The following AUH variants were observed in gnomAD, a reference collection of about 807,000 sequenced individuals.
The protein encoded by AUH is AU RNA binding methylglutaconyl-CoA hydratase.
Under a neutral mutation model 42.3 loss-of-function variants are expected in AUH, and 29 were observed. That is an observed-to-expected ratio of 0.69 (90% CI 0.51 to 0.93). AUH has a LOEUF of 0.93. Ranked by LOEUF, AUH falls within the 40% of genes least tolerant of loss-of-function variation. AUH has a pLI of 0.00. For missense variants in AUH, 452 were observed against 438.1 expected (o/e 1.03, Z -0.28); for synonymous variants, 174 against 166.4 (o/e 1.05, Z -0.35).
intron 4 of AUH, among the ~76,000 whole-genome samples, chr9:91,316,353 A>C (rs1263255836): frequency 2.0e-5 from 3 of 152,226 alleles, no homozygotes; most frequent in Non-Finnish European, 4.4e-5. Context: ...TACAGGTCCA[A>C]TAAAAACAGT....
At chr9:91,307,096 C>T (rs1391230574) in intron 4 of AUH, among the ~76,000 whole-genome samples, 2 of 151,864 alleles carry the variant, frequency 1.3e-5, no homozygotes, top group African/African-American at 4.8e-5. Context: ...CAGGGAGGGG[C>T]AAAAGAAAGA....
At chr9:91,298,156 G>A in intron 4 of AUH, 80 bp from the exon 5 acceptor site, 2 of 1,135,840 alleles carry the variant, frequency 1.8e-6, no homozygotes, top group East Asian at 5.0e-5. Context: ...TTTTTTCTGT[G>A]AATTTATGCT....
intron 3 of AUH, among the ~76,000 whole-genome samples, chr9:91,334,538 C>T (rs1830563849): frequency 1.0e-5 from 1 of 95,730 alleles, no homozygotes; most frequent in Non-Finnish European, 2.2e-5. Flanking sequence ...CTGAATTACA[C>T]CACCAGCTTT....
At chr9:91,348,369 G>A (rs1253364953) in intron 3 of AUH, among the ~76,000 whole-genome samples, 3 of 152,096 alleles carry the variant, frequency 2.0e-5, no homozygotes, top group African/African-American at 7.2e-5. Context: ...TAAACACACA[G>A]GATAAAACCA....
At position 91,296,077 on chromosome 9, in the gene AUH, G is replaced by A. The variant is rs765362912; in HGVS notation, c.599C>T (p.Ala200Val). ...AACCAGGCCCATTTTTGCAGAGGAA[G>A]CTAAAACGAAAGAAAGAAAATTAAG... ...LALACDIRVA[A>V]SSAKMGLVET... Residue 200 changes from alanine to valine, a missense_variant and splice_region_variant, in exon 6 of 10, where the codon GCT becomes GTT. Transcript: ENST00000375731. 6.2e-7 allele frequency: 1 copy of A among 1,613,828 alleles called. No individual in the cohort carries two copies.
intron 6 of AUH, among the ~76,000 whole-genome samples, chr9:91,288,164 G>T (rs1826566506): frequency 6.6e-6 from 1 of 151,988 alleles, no homozygotes; most frequent in Non-Finnish European, 1.5e-5. Flanking sequence ...TAATAATAAG[G>T]TTTCCTGACA....
At chr9:91,321,645 C>T (rs1829581709) in intron 4 of AUH, among the ~76,000 whole-genome samples, 1 of 152,010 alleles carries the variant, frequency 6.6e-6, no homozygotes, top group African/African-American at 2.4e-5. Flanking sequence ...AGATAGGAGA[C>T]AAATGACATT....
intron 4 of AUH, among the ~76,000 whole-genome samples, chr9:91,316,280 T>C (rs185442052): frequency 2.4e-4 from 37 of 152,206 alleles, no homozygotes; most frequent in Admixed American, 1.9e-3. Flanking sequence ...AGAAGAACCA[T>C]AACCTTTGAT....
chr9:91,276,731 C>G (rs970081999), intron 6 of AUH, among the ~76,000 whole-genome samples: 6 of 152,088 alleles, frequency 3.9e-5, no homozygotes, highest in African/African-American at 1.4e-4. Flanking sequence ...CAACATAGCA[C>G]CATGGAAACA....
intron 6 of AUH, among the ~76,000 whole-genome samples, chr9:91,271,738 T>C (rs1288861877): frequency 4.6e-5 from 7 of 152,174 alleles, no homozygotes; most frequent in Non-Finnish European, 1.0e-4. Context: ...TGGAGTGCAA[T>C]GGCGCAATCT....
At chr9:91,250,006 G>A (rs1263083661) in intron 6 of AUH, among the ~76,000 whole-genome samples, 2 of 136,326 alleles carry the variant, frequency 1.5e-5, no homozygotes, top group Non-Finnish European at 1.5e-5. Flanking sequence ...GTGAGACTCC[G>A]TCTCAAGAAA....
At chr9:91,347,489 TA>T (rs1167929948) in intron 3 of AUH, among the ~76,000 whole-genome samples, 2 of 152,226 alleles carry the variant, frequency 1.3e-5, no homozygotes, top group African/African-American at 4.8e-5. Flanking sequence ...GAGAGGGTGC[TA>T]AAAGTTCTAA....
At chr9:91,308,217 T>G (rs1828380201) in intron 4 of AUH, among the ~76,000 whole-genome samples, 1 of 152,148 alleles carries the variant, frequency 6.6e-6, no homozygotes, top group Non-Finnish European at 1.5e-5. Flanking sequence ...AGAAAAAGAT[T>G]AGCCAGGCAT....
chr9:91,259,195 A>C (rs375462274), intron 6 of AUH, among the ~76,000 whole-genome samples: 13 of 152,206 alleles, frequency 8.5e-5, no homozygotes, highest in African/African-American at 3.1e-4. Context: ...AATTTCTTAA[A>C]AAAGTACAGA....
chr9:91,221,419 A>G (rs1587622968), intron 6 of AUH, among the ~76,000 whole-genome samples: 1 of 152,096 alleles, frequency 6.6e-6, no homozygotes, highest in South Asian at 2.1e-4. Context: ...GAGACATTCA[A>G]CTCCTGTTCT....
In AUH at chr9:91,262,321, A is replaced by G. The variant is rs566955994; in HGVS notation, c.655+33700T>C. On this transcript the variant is annotated intron_variant, in intron 6 of 9. Transcript: ENST00000375731. Reference sequence around the variant, plus strand: ...ATCTGCTTTCTAATAGAAATATTTTAATGTAGTATTGCATTCCTAATCATG... The same window carrying G: ...ATCTGCTTTCTAATAGAAATATTTTGATGTAGTATTGCATTCCTAATCATG... Among the ~76,000 whole-genome samples, 7 of 152,320 alleles carry G rather than the reference A, an allele frequency of 4.6e-5. No individual in the cohort carries two copies. In the South Asian group the frequency reaches 1.2e-3, roughly 27 times the overall value.
chr9:91,322,389 G>C (rs1829649527), intron 4 of AUH, among the ~76,000 whole-genome samples: 1 of 152,144 alleles, frequency 6.6e-6, no homozygotes, highest in Non-Finnish European at 1.5e-5. Context: ...TCTAAACAAA[G>C]TTCATGCTCT....
At chr9:91,291,837 A>G (rs1300529456) in intron 6 of AUH, among the ~76,000 whole-genome samples, 1 of 151,272 alleles carries the variant, frequency 6.6e-6, no homozygotes, top group African/African-American at 2.4e-5. Flanking sequence ...TCATACTCTA[A>G]GCATCATTTA....
At chr9:91,300,953 T>C (rs1457345746) in intron 4 of AUH, among the ~76,000 whole-genome samples, 3 of 152,234 alleles carry the variant, frequency 2.0e-5, no homozygotes, top group African/African-American at 7.2e-5. Context: ...ACAGCCCATA[T>C]GAAACAAAAA....
Sources: allele counts gnomAD v4.1 joint callset (sites outside exome capture counted in the v4.1 genomes callset), GRCh38; gene constraint gnomAD v4.1.1; transcripts MANE v1.5; gene names NCBI Gene and HGNC (gene_info 2026-07-23, HGNC 2026-07-21).